The following SH3GL1 variants were observed in gnomAD, a reference collection of about 807,000 sequenced individuals.
SH3GL1 encodes the protein endophilin-A2.
In SH3GL1, 21 loss-of-function variants were observed where a neutral mutation model predicts 48.8. That is an observed-to-expected ratio of 0.43 (90% confidence interval 0.30 to 0.62). The LOEUF is 0.62. Among genes scored for constraint, SH3GL1 ranks in the 20% least tolerant of loss-of-function variants. The pLI, the probability that SH3GL1 is intolerant of heterozygous loss-of-function variation, is 0.11. For synonymous variants in SH3GL1, 282 were observed against 217.5 expected, an observed-to-expected ratio of 1.30 and a Z score of -2.61; for missense variants, 454 against 503.0, an observed-to-expected ratio of 0.90 and a Z score of 0.93.
At chr19:4,374,750 CCT>C (rs143416654) in intron 1 of SH3GL1, among the ~76,000 whole-genome samples, 49 of 152,294 alleles carry the variant, frequency 3.2e-4, no homozygotes, top group African/African-American at 6.7e-4. Flanking sequence ...CCCCTGGGCC[CCT>C]GAGTCACCCC....
Position 4,362,314 on chromosome 19 carries a change from C to T in SH3GL1, c.910+15G>A, listed in dbSNP as rs1192588455. The T allele has an allele frequency of 1.2e-6, 2 of 1,609,398 alleles. No individual in the cohort carries two copies. Among genetic ancestry groups the T allele is most frequent in the South Asian group, 1.1e-5 (1 of 90,330 alleles). ...AAGGCAGCACTGAGGTCGAGGCGGG[C>T]CTGGGAACACTCACGCATGCTCCGG... On this transcript the variant is annotated intron_variant, in intron 9 of 9. Coordinates refer to ENST00000269886, the MANE Select transcript of SH3GL1 (RefSeq NM_003025.4).
At chr19:4,366,627 A>G in intron 2 of SH3GL1, 54 bp from the exon 3 acceptor site, 1 of 1,506,076 alleles carries the variant, frequency 6.6e-7, no homozygotes, top group South Asian at 1.1e-5. Context: ...CCCAAGGCAC[A>G]CAAGACCCCC....
rs558286325 is a variant in SH3GL1, at chr19:4,375,253, G to A, written c.46-8259C>T. 3.1e-4 allele frequency among the ~76,000 whole-genome samples: 47 copies of A among 152,290 alleles called. No homozygotes were observed. The South Asian group carries it at 8.5e-3, about 28-fold the overall frequency. On this transcript the variant is annotated intron_variant, in intron 1 of 9. Coordinates refer to ENST00000269886, the MANE Select transcript of SH3GL1 (RefSeq NM_003025.4). ...CCAGCCCCCACCTGGCCCAGCTGCC[G>A]CCTCTGGGCAGATGTCTCCACTTGA...
At chr19:4,397,004 G>A (rs371515221) in intron 1 of SH3GL1, among the ~76,000 whole-genome samples, 2 of 152,204 alleles carry the variant, frequency 1.3e-5, no homozygotes, top group Non-Finnish European at 1.5e-5. Context: ...CTCACATGGT[G>A]AGAACTCAAT....
intron 4 of SH3GL1, 194 bp from the exon 5 acceptor site, chr19:4,364,415 G>A (rs562494937): frequency 6.3e-5 from 40 of 630,352 alleles, no homozygotes; most frequent in South Asian, 4.9e-4. Context: ...GACCACAGGC[G>A]TTCACCCCCA....
At chr19:4,362,415 G>A in intron 8 of SH3GL1, 30 bp from the exon 9 acceptor site, 1 of 1,601,234 alleles carries the variant, frequency 6.2e-7, no homozygotes, top group Non-Finnish European at 8.5e-7. Context: ...GGAGGCTGTG[G>A]GCTCAAAACG....
intron 1 of SH3GL1, among the ~76,000 whole-genome samples, chr19:4,370,573 A>AC (rs1315018916): frequency 1.3e-5 from 2 of 151,738 alleles, no homozygotes; most frequent in Non-Finnish European, 2.9e-5. Flanking sequence ...CCAGCTGCAA[A>AC]CCCCGAGTGA....
intron 9 of SH3GL1, among the ~76,000 whole-genome samples, chr19:4,362,083 C>G (rs756193647): frequency 1.3e-5 from 2 of 152,206 alleles, no homozygotes; most frequent in Non-Finnish European, 2.9e-5. Flanking sequence ...GCCCTCAAGC[C>G]CTTGTAGCCA....
chr19:4,400,290 C>T lies in SH3GL1; in HGVS notation c.45+34G>A. ...CTCCCTCATCCGGGCAGCCCGGGGC[C>T]CGGTACTCGGCTCCCGCCTGGGCCT... On this transcript the variant is annotated intron_variant, in intron 1 of 9. Coordinates refer to ENST00000269886, the MANE Select transcript of SH3GL1 (RefSeq NM_003025.4). This position sits in a 1 kb window ranked among gnomAD's most constrained non-coding sequence, Gnocchi z 4.1. The T allele has an allele frequency of 6.3e-7, 1 of 1,587,764 alleles. No individual in the cohort carries two copies. The highest frequency in any genetic ancestry group is 8.5e-7 in the Non-Finnish European group (1 of 1,170,940).
chr19:4,382,421 C>CT (rs753508580), intron 1 of SH3GL1, among the ~76,000 whole-genome samples: 42 of 151,950 alleles, frequency 2.8e-4, no homozygotes, highest in Non-Finnish European at 4.3e-4. Context: ...CCACGCCCGG[C>CT]TAATTTTTTG....
At chr19:4,380,438 C>CT (rs1433238688) in intron 1 of SH3GL1, 1 of 152,652 alleles carries the variant, frequency 6.6e-6, no homozygotes, top group Non-Finnish European at 1.5e-5. Flanking sequence ...TGGCCGTGGG[C>CT]TTTTAAGGAT....
chr19:4,371,755 G>C (rs1302252431), intron 1 of SH3GL1, among the ~76,000 whole-genome samples: 1 of 152,190 alleles, frequency 6.6e-6, no homozygotes, highest in Non-Finnish European at 1.5e-5. Flanking sequence ...CGGCTGGGGA[G>C]CGGGTCTCTG....
chr19:4,397,286 T>C (rs571005149), intron 1 of SH3GL1, among the ~76,000 whole-genome samples: 20 of 152,298 alleles, frequency 1.3e-4, no homozygotes, highest in South Asian at 8.3e-4. Context: ...GCTGTGGCCA[T>C]TGTGCTTTGG....
At chr19:4,366,673 C>A in intron 2 of SH3GL1, 100 bp from the exon 3 acceptor site, 1 of 1,153,446 alleles carries the variant, frequency 8.7e-7, no homozygotes, top group South Asian at 1.3e-5. Flanking sequence ...GAGCCCATAC[C>A]AGGACCCCCC....
rs376176578 is a variant in SH3GL1, at chr19:4,363,396, G to C, written c.702C>G (p.Asp234Glu). 4 of 1,609,830 alleles carry C rather than the reference G, an allele frequency of 2.5e-6. No homozygotes were observed. Among genetic ancestry groups the C allele is most frequent in the Admixed American group, 1.7e-5 (1 of 59,616 alleles). ...TGCGCTTGAGCTTCTCCGCCAGCTC[G>C]TCCAGGATCTGCACGGCCTGCCGGT... ...DYHRQAVQIL[D>E]ELAEKLKRRM... The change falls in exon 7 of 10, where the codon GAC (aspartate) becomes GAG (glutamate). Residue 234 changes from aspartate to glutamate, a missense_variant. Physicochemically the swap from Asp to Glu is conservative, Grantham distance 45 (BLOSUM62 2). Transcript: ENST00000269886.
intron 1 of SH3GL1, among the ~76,000 whole-genome samples, chr19:4,385,475 G>A (rs1046569884): frequency 1.3e-4 from 20 of 152,184 alleles, no homozygotes; most frequent in African/African-American, 4.6e-4. Context: ...TCTGACAGCC[G>A]AGTGGACTCC....
intron 1 of SH3GL1, among the ~76,000 whole-genome samples, chr19:4,372,237 C>T (rs538834244): frequency 1.9e-4 from 29 of 152,326 alleles, no homozygotes; most frequent in Admixed American, 5.9e-4. Flanking sequence ...GCAGGACACA[C>T]GGAACAAGGG....
chr19:4,379,031 C>T (rs933044650), intron 1 of SH3GL1, among the ~76,000 whole-genome samples: 2 of 152,342 alleles, frequency 1.3e-5, no homozygotes, highest in Non-Finnish European at 1.5e-5. Context: ...TCTCATGTTG[C>T]GCCCAGAGCG....
chr19:4,380,369 G>C (rs1221479590), intron 1 of SH3GL1: 4 of 152,578 alleles, frequency 2.6e-5, no homozygotes, highest in Non-Finnish European at 5.9e-5. Flanking sequence ...CGCCAGCGGG[G>C]AGGGGCCGCT....
Sources: gnomAD v4.1 joint callset for allele counts (sites outside exome capture counted in the v4.1 genomes callset) on GRCh38, gnomAD v4.1.1 for gene constraint, Gnocchi (gnomAD v3.1) non-coding constraint, MANE v1.5 for transcripts, NCBI Gene and HGNC (gene_info 2026-07-23, HGNC 2026-07-21) for gene names.